The following DACH2 variants were observed in gnomAD, a reference collection of about 807,000 sequenced individuals.
DACH2 encodes the protein dachshund homolog 2.
Under a neutral mutation model 35.8 loss-of-function variants are expected in DACH2, and 17 were observed. The observed-to-expected ratio is 0.48, with a 90% CI of 0.33 to 0.71. The LOEUF (loss-of-function observed/expected upper bound fraction) is 0.71, where lower values mean the gene tolerates loss of function less well. Among genes scored for constraint, DACH2 ranks in the 30% least tolerant of loss-of-function variants. The pLI is 0.02. For missense variants in DACH2, 469 were observed against 472.7 expected (o/e 0.99, Z 0.07); for synonymous variants, 195 against 177.3 (o/e 1.10, Z -0.79).
chrX:86,401,785 A>C, intron 2 of DACH2, among the ~76,000 whole-genome samples: 1 of 110,793 alleles, frequency 9.0e-6, no homozygotes, highest in Non-Finnish European at 1.9e-5. Flanking sequence ...AGAAATCCTC[A>C]ACAAAATACT....
At chrX:86,776,401 G>T (rs768382406) in intron 7 of DACH2, among the ~76,000 whole-genome samples, 99 of 111,468 alleles carry the variant, frequency 8.9e-4, no homozygotes, top group African/African-American at 3.0e-3. Flanking sequence ...CATAACATTG[G>T]AGATTACGGC....
chrX:86,386,330 T>A (rs943470249), intron 2 of DACH2, among the ~76,000 whole-genome samples: 13 of 111,775 alleles, frequency 1.2e-4, no homozygotes, highest in African/African-American at 4.2e-4. Flanking sequence ...CATCATATCA[T>A]GTAAAGGGTA....
intron 1 of DACH2, among the ~76,000 whole-genome samples, chrX:86,254,437 C>T (rs1007572182): frequency 9.1e-6 from 1 of 109,591 alleles, no homozygotes; most frequent in Non-Finnish European, 1.9e-5. Flanking sequence ...TTTTTGTATG[C>T]CCTTAAGTAT....
chrX:86,277,145 A>T (rs894627337), intron 1 of DACH2, among the ~76,000 whole-genome samples: 1 of 111,412 alleles, frequency 9.0e-6, no homozygotes, highest in African/African-American at 3.3e-5. Context: ...AACAATATTG[A>T]TTCTTCTAAT....
intron 3 of DACH2, among the ~76,000 whole-genome samples, chrX:86,538,617 C>G (rs2038836616): frequency 9.0e-6 from 1 of 111,655 alleles, no homozygotes; most frequent in East Asian, 2.8e-4. Context: ...GCAGAGTCAG[C>G]AGGTGGCAAA....
chrX:86,705,353 A>T (rs751599312), intron 5 of DACH2, among the ~76,000 whole-genome samples: 1 of 109,997 alleles, frequency 9.1e-6, no homozygotes, highest in South Asian at 3.8e-4. Flanking sequence ...TACTTCTTGG[A>T]TGATGGGTGC....
chrX:86,736,167 A>AT (rs1569475681), intron 6 of DACH2, among the ~76,000 whole-genome samples: 1 of 111,463 alleles, frequency 9.0e-6, no homozygotes, highest in Non-Finnish European at 1.9e-5. Context: ...TTAAAAAAAA[A>AT]CACAACACCT....
At chrX:86,686,252 G>T (rs1234689416) in intron 4 of DACH2, among the ~76,000 whole-genome samples, 1 of 109,865 alleles carries the variant, frequency 9.1e-6, no homozygotes, top group Non-Finnish European at 1.9e-5. Flanking sequence ...TTTATTTTTT[G>T]AGACGGAGTC....
chrX:86,779,065 G>T (rs2042065019), intron 7 of DACH2, among the ~76,000 whole-genome samples: 1 of 111,615 alleles, frequency 9.0e-6, no homozygotes, highest in South Asian at 3.7e-4. Flanking sequence ...AGGTAATGAG[G>T]CTAATAATAA....
chrX:86,270,613 A>G (rs2033799024), intron 1 of DACH2, among the ~76,000 whole-genome samples: 1 of 112,171 alleles, frequency 8.9e-6, no homozygotes, highest in Non-Finnish European at 1.9e-5. Context: ...ATAGTCATTG[A>G]TTTCGATGCT....
chrX:86,659,831 C>A lies in DACH2; in HGVS notation c.772+8664C>A, dbSNP rs896703251. Among the ~76,000 whole-genome samples, 3 of 110,891 alleles carry A rather than the reference C, an allele frequency of 2.7e-5. No homozygotes were observed. The Admixed American group carries it at 2.9e-4, about 11-fold the overall frequency. On this transcript the variant is annotated intron_variant, in intron 4 of 11. Transcript: ENST00000373125. ...AATTCTAATCTTCATTATTATAATT[C>A]TTGAGCATCATTAGTCTAGTCCCAT...
At chrX:86,517,751 T>C (rs148071377) in intron 3 of DACH2, among the ~76,000 whole-genome samples, 5,618 of 111,518 alleles carry the variant, frequency 0.05, 118 homozygotes, top group Middle Eastern at 0.1. Flanking sequence ...TGTTTGTTTT[T>C]CTCTGGTAAA....
At chrX:86,426,158 C>A (rs1219686263) in intron 2 of DACH2, among the ~76,000 whole-genome samples, 1 of 111,392 alleles carries the variant, frequency 9.0e-6, no homozygotes, top group Non-Finnish European at 1.9e-5. Context: ...TTTGTGTACA[C>A]ATAAAGTTAG....
intron 4 of DACH2, among the ~76,000 whole-genome samples, chrX:86,667,559 A>AG: frequency 1.1e-5 from 1 of 88,803 alleles, no homozygotes; most frequent in Non-Finnish European, 2.1e-5. Context: ...AAAGAAAGAA[A>AG]GAAAGAAAGA....
intron 3 of DACH2, among the ~76,000 whole-genome samples, chrX:86,516,621 T>G (rs1047271566): frequency 2.7e-5 from 3 of 110,462 alleles, no homozygotes; most frequent in Non-Finnish European, 5.7e-5. Context: ...TTATTTAGTT[T>G]AATTAATTTA....
chrX:86,823,277 A>G lies in DACH2; in HGVS notation c.1750+7178A>G, dbSNP rs2042530967. On this transcript the variant is annotated intron_variant, in intron 11 of 11. Transcript: ENST00000373125. The stretch of plus-strand genomic sequence containing the variant: ...CTGGGATTCCTTATGCAGCATTAGC[A>G]TAAAGTTTTATTTATTTGTTCTAGG... Among the ~76,000 whole-genome samples, 6 of 112,218 alleles carry G rather than the reference A, an allele frequency of 5.3e-5. No individual in the cohort carries two copies. In the Admixed American group the frequency reaches 5.7e-4, roughly 11 times the overall value.
intron 2 of DACH2, among the ~76,000 whole-genome samples, chrX:86,401,632 A>T (rs1366368752): frequency 9.1e-6 from 1 of 109,975 alleles, no homozygotes; most frequent in South Asian, 4.0e-4. Flanking sequence ...TATTTATTAC[A>T]TTATTCATGA....
At chrX:86,433,424 C>G (rs1193754079) in intron 2 of DACH2, among the ~76,000 whole-genome samples, 1 of 111,397 alleles carries the variant, frequency 9.0e-6, no homozygotes, top group Non-Finnish European at 1.9e-5. Context: ...TAGGATATGT[C>G]CAAACAAAAT....
At chrX:86,232,193 CA>C (rs2032963456) in intron 1 of DACH2, among the ~76,000 whole-genome samples, 1 of 111,158 alleles carries the variant, frequency 9.0e-6, no homozygotes, top group Non-Finnish European at 1.9e-5. Context: ...AACATATACA[CA>C]AATCAACTGA....
Sources: gnomAD v4.1 joint callset for allele counts (sites outside exome capture counted in the v4.1 genomes callset) on GRCh38, gnomAD v4.1.1 for gene constraint, MANE v1.5 for transcripts, NCBI Gene and HGNC (gene_info 2026-07-23, HGNC 2026-07-21) for gene names.